Variants in PTGER3 observed in about 807,000 individuals in gnomAD.
The protein encoded by PTGER3 is prostaglandin E2 receptor EP3 subtype.
PTGER3 carries 22 observed loss-of-function variants against 34.7 expected under a neutral mutation model. The ratio of observed to expected loss-of-function variants is 0.63; its 90% CI spans 0.45 to 0.91. The LOEUF is 0.91. Ranked by LOEUF, PTGER3 falls within the 40% of genes least tolerant of loss-of-function variation. The pLI is 0.00. For synonymous variants in PTGER3, 241 were observed against 230.1 expected, an observed-to-expected ratio of 1.05 and a Z score of -0.43; for missense variants, 468 against 519.4, an observed-to-expected ratio of 0.90 and a Z score of 0.96.
At position 71,000,722 on chromosome 1, in the gene PTGER3, C is replaced by T. The variant is rs553426410; in HGVS notation, c.1077+11583G>A. ...ACTTGGAAGACTATTAAGATTTAGC[C>T]ACTGTTCCAAAGCAAACTTAAGCAA... is the stretch of plus-strand genomic sequence containing the variant. On this transcript the variant is annotated intron_variant, in intron 2 of 3. Coordinates refer to ENST00000306666, the MANE Select transcript of PTGER3 (RefSeq NM_198719.2). 7.2e-5 allele frequency among the ~76,000 whole-genome samples: 11 copies of T among 152,140 alleles called. No homozygotes were observed. In the South Asian group the frequency reaches 2.3e-3, roughly 32 times the overall value.
intron 2 of PTGER3, 178 bp downstream of exon 2, chr1:71,012,127 G>T: frequency 6.6e-7 from 1 of 1,518,068 alleles, no homozygotes; most frequent in Non-Finnish European, 8.8e-7. Context: ...TGCATAAACA[G>T]TGGCATGCCA....
In PTGER3 at chr1:70,960,599, AATGTC is replaced by A. The variant is rs574613350; in HGVS notation, c.1078-6815_1078-6811del. On this transcript the variant is annotated intron_variant, in intron 2 of 3. Coordinates refer to the PTGER3 transcript ENST00000356595. Reference sequence around the variant, plus strand: ...ATGAGAAATGAGAGACCATACTACCAATGTCATTCTATCAATGTCTTTAAGATGAG... The same window carrying A: ...ATGAGAAATGAGAGACCATACTACCAATTCTATCAATGTCTTTAAGATGAG... 6.2e-4 allele frequency among the ~76,000 whole-genome samples: 94 copies of A among 152,252 alleles called. 1 individual carries two copies. The highest frequency in any genetic ancestry group is 2.2e-3 in the African/African-American group (92 of 41,538).
chr1:70,977,253 A>C (rs1178862766), intron 2 of PTGER3, among the ~76,000 whole-genome samples: 1 of 151,986 alleles, frequency 6.6e-6, no homozygotes, highest in Non-Finnish European at 1.5e-5. Context: ...AACATAGCTC[A>C]TTTGTTTGGC....
In PTGER3 at chr1:70,930,794, T is replaced by C. The variant is rs150701347; in HGVS notation, c.*23+22969A>G. ...TCCCTCCCACAGAACACGGGAATTA[T>C]GGGAGTACAATTAAAGATGAGATTT... is the stretch of plus-strand genomic sequence containing the variant. On this transcript the variant is annotated intron_variant, in intron 4 of 4. Coordinates refer to the PTGER3 transcript ENST00000370931. Among the ~76,000 whole-genome samples the C allele has an allele frequency of 3.4e-3, 519 of 152,272 alleles. 7 individuals are homozygous for C. Among genetic ancestry groups the C allele is most frequent in the African/African-American group, 0.012 (486 of 41,558 alleles).
chr1:70,887,882 C>T (rs1429823418), intron 4 of PTGER3, among the ~76,000 whole-genome samples: 1 of 151,386 alleles, frequency 6.6e-6, no homozygotes, highest in Non-Finnish European at 1.5e-5. Flanking sequence ...TTCTTTCTTC[C>T]ATTATGTTTG....
intron 2 of PTGER3, among the ~76,000 whole-genome samples, chr1:70,981,446 C>T (rs537738846): frequency 6.7e-6 from 1 of 149,194 alleles, no homozygotes; most frequent in East Asian, 2.0e-4. Context: ...CAGAGTCTGT[C>T]TCTGTCACCT....
At chr1:70,884,808 T>C (rs1335734828) in intron 4 of PTGER3, among the ~76,000 whole-genome samples, 2 of 152,208 alleles carry the variant, frequency 1.3e-5, no homozygotes, top group Non-Finnish European at 2.9e-5. Context: ...CTTACAGAGA[T>C]TGGAAACCCT....
chr1:70,995,688 A>G (rs924063384), intron 2 of PTGER3, among the ~76,000 whole-genome samples: 9 of 152,054 alleles, frequency 5.9e-5, no homozygotes, highest in African/African-American at 2.2e-4. Context: ...TAATAACAAC[A>G]CTCCCTAGCT....
At chr1:70,994,618 C>T (rs764664454) in intron 2 of PTGER3, among the ~76,000 whole-genome samples, 4 of 151,910 alleles carry the variant, frequency 2.6e-5, no homozygotes, top group South Asian at 2.1e-4. Flanking sequence ...CCACCACGCC[C>T]GGCTAATTTT....
At chr1:70,927,767 G>A (rs967341811) in intron 4 of PTGER3, among the ~76,000 whole-genome samples, 1 of 152,096 alleles carries the variant, frequency 6.6e-6, no homozygotes, top group African/African-American at 2.4e-5. Context: ...GGATAGAAGA[G>A]AACAGGAAAA....
chr1:70,953,794 A>C (rs1156615324), intron 2 of PTGER3: 2 of 1,343,902 alleles, frequency 1.5e-6, no homozygotes, highest in Admixed American at 5.4e-5. Flanking sequence ...TCTCATCTGA[A>C]AAAGAGTAAT....
At chr1:70,936,011 C>A (rs907606552) in intron 4 of PTGER3, among the ~76,000 whole-genome samples, 1 of 151,870 alleles carries the variant, frequency 6.6e-6, no homozygotes, top group Admixed American at 6.6e-5. Flanking sequence ...GAGAATGCAC[C>A]AATACGTAAC....
intron 4 of PTGER3, among the ~76,000 whole-genome samples, chr1:70,855,703 T>C (rs1645787064): frequency 6.6e-6 from 1 of 152,030 alleles, no homozygotes; most frequent in South Asian, 2.1e-4. Flanking sequence ...AGCAAATGGG[T>C]GTTTTCTGTG....
At chr1:71,006,662 A>G in intron 2 of PTGER3, 6 of 982,408 alleles carry the variant, frequency 6.1e-6, no homozygotes, top group Non-Finnish European at 7.3e-6. Context: ...TATTAAATCA[A>G]CAATAATTTG....
chr1:70,935,518 A>G (rs974936369), intron 4 of PTGER3, among the ~76,000 whole-genome samples: 5 of 151,708 alleles, frequency 3.3e-5, no homozygotes, highest in Admixed American at 2.0e-4. Flanking sequence ...CTGCATGACA[A>G]CTCAGTATGT....
chr1:70,971,721 G>T lies in PTGER3; in HGVS notation c.*9C>A. The T allele has an allele frequency of 6.4e-7, 1 of 1,562,964 alleles. No individual in the cohort carries two copies. Among genetic ancestry groups the T allele is most frequent in the Non-Finnish European group, 8.7e-7 (1 of 1,153,278 alleles). The stretch of plus-strand genomic sequence containing the variant: ...GAATTGCAATAAAATGTCCAACTCC[G>T]TTCTTTCATTATCTGTTAGAATAGA... On this transcript the variant is annotated 3_prime_UTR_variant, in exon 4 of 4. Coordinates refer to ENST00000306666, the MANE Select transcript of PTGER3 (RefSeq NM_198719.2).
rs557027538 is a variant in PTGER3 at position 70,922,425 on chromosome 1, T to C, written c.*23+31338A>G. 2.6e-5 allele frequency among the ~76,000 whole-genome samples: 4 copies of C among 152,142 alleles called. No homozygotes were observed. The South Asian group carries it at 6.2e-4, about 24-fold the overall frequency. On this transcript the variant is annotated intron_variant, in intron 4 of 4. Coordinates refer to the PTGER3 transcript ENST00000370931. ...TTGTACAATTTAAAGGTGATGGGCC[T>C]CCTAAATGCTTCATAAAATGCCACT...
intron 1 of PTGER3, 35 bp downstream of exon 1, chr1:71,046,646 G>T: frequency 2.0e-6 from 3 of 1,509,308 alleles, no homozygotes; most frequent in Middle Eastern, 1.8e-4. Context: ...ACTCGCACAC[G>T]CATCCTGACT....
At chr1:70,972,688 T>C (rs1292987324) in intron 3 of PTGER3, among the ~76,000 whole-genome samples, 2 of 152,088 alleles carry the variant, frequency 1.3e-5, no homozygotes, top group African/African-American at 4.8e-5. Flanking sequence ...TACATAAATA[T>C]TAAAATGGCT....
Sources: gnomAD v4.1 joint callset for allele counts (sites outside exome capture counted in the v4.1 genomes callset) on GRCh38, gnomAD v4.1.1 for gene constraint, MANE v1.5 for transcripts, NCBI Gene and HGNC (gene_info 2026-07-23, HGNC 2026-07-21) for gene names.